SSBP3: variants seen among roughly 807,000 people sequenced by gnomAD.
SSBP3 encodes single stranded DNA binding protein 3.
SSBP3 carries 5 observed loss-of-function variants against 69.6 expected under a neutral mutation model. That is an observed-to-expected ratio of 0.07 (90% CI 0.04 to 0.15). The LOEUF (loss-of-function observed/expected upper bound fraction) is 0.15, where lower values mean the gene tolerates loss of function less well. SSBP3 is among the 10% of genes least tolerant of loss of function. SSBP3 has a pLI of 1.00. For synonymous variants in SSBP3, 196 were observed against 193.4 expected, an observed-to-expected ratio of 1.01 and a Z score of -0.11; for missense variants, 312 against 534.0, an observed-to-expected ratio of 0.58 and a Z score of 4.10.
intron 4 of SSBP3, among the ~76,000 whole-genome samples, chr1:54,323,481 G>A (rs1013133105): frequency 2.0e-4 from 30 of 152,264 alleles, no homozygotes; most frequent in African/African-American, 7.2e-4. Flanking sequence ...CATCTTCCTG[G>A]GAGGAGGTGT....
At position 54,406,213 on chromosome 1, in the gene SSBP3, C is replaced by T. The variant is rs1453754406; in HGVS notation, c.-205G>A. ...TCTTTCCAGCTGTCAAAGCGTCAGC[C>T]CCGGCCGCGGCCCCATCGCCCTGGA... is the stretch of plus-strand genomic sequence containing the variant. On this transcript the variant is annotated 5_prime_UTR_variant, in exon 1 of 18. Transcript: ENST00000610401. 22 of 429,418 alleles carry T rather than the reference C, an allele frequency of 5.1e-5. 1 individual carries two copies. The highest frequency in any genetic ancestry group is 8.0e-5 in the Non-Finnish European group (20 of 249,154). The allele number at this position is 429,418 out of a possible 1,614,324, so 26.6% of individuals were successfully genotyped here. A position where few individuals can be genotyped will look rare whatever the true frequency, so the allele number is the denominator to read the frequency against.
intron 5 of SSBP3, among the ~76,000 whole-genome samples, chr1:54,268,980 C>A (rs1163451874): frequency 1.3e-5 from 2 of 152,190 alleles, no homozygotes; most frequent in Non-Finnish European, 2.9e-5. Flanking sequence ...CTACCTGCCT[C>A]ACAGAGAACT....
intron 4 of SSBP3, among the ~76,000 whole-genome samples, chr1:54,400,901 C>A (rs545811335): frequency 6.6e-6 from 1 of 152,306 alleles, no homozygotes; most frequent in Non-Finnish European, 1.5e-5. Flanking sequence ...TTCAAGAAAC[C>A]AACTCCCAAG....
chr1:54,240,111 C>CGT (rs1204297772), intron 13 of SSBP3, among the ~76,000 whole-genome samples: 7 of 2,606 alleles, frequency 2.7e-3, no homozygotes, highest in Non-Finnish European at 6.4e-3. Context: ...TGTGCGTGCG[C>CGT]GCGCGCGCGC....
chr1:54,411,478 GAA>G (rs71066916), intron 1 of SSBP3, among the ~76,000 whole-genome samples: 3 of 137,834 alleles, frequency 2.2e-5, no homozygotes, highest in Non-Finnish European at 3.1e-5. Context: ...ACTCTGTCTT[GAA>G]AAAAAAAAAA....
At chr1:54,351,169 A>T (rs567390230) in intron 4 of SSBP3, among the ~76,000 whole-genome samples, 4 of 152,326 alleles carry the variant, frequency 2.6e-5, no homozygotes, top group South Asian at 2.1e-4. Flanking sequence ...GACCAGAAGA[A>T]GATGATGTGA....
intron 4 of SSBP3, among the ~76,000 whole-genome samples, chr1:54,315,597 A>AT (rs1327549995): frequency 1.3e-5 from 2 of 150,464 alleles, no homozygotes; most frequent in Admixed American, 1.3e-4. Flanking sequence ...CTTTTTTTTA[A>AT]TTTAAAAAAA....
chr1:54,353,577 G>A (rs1260699407), intron 4 of SSBP3, among the ~76,000 whole-genome samples: 1 of 152,178 alleles, frequency 6.6e-6, no homozygotes, highest in Non-Finnish European at 1.5e-5. Flanking sequence ...AAGTATCCAG[G>A]TGACCCAGGT....
chr1:54,274,095 G>A (rs889731513), intron 5 of SSBP3, among the ~76,000 whole-genome samples: 1 of 152,196 alleles, frequency 6.6e-6, no homozygotes, highest in South Asian at 2.1e-4. Flanking sequence ...CTCTTCCCCA[G>A]TAGGAGGCTG....
At chr1:54,407,646 CTG>C (rs1649867965), upstream of SSBP3, among the ~76,000 whole-genome samples, 1 of 151,606 alleles carries the variant, frequency 6.6e-6, no homozygotes, top group Non-Finnish European at 1.5e-5. Flanking sequence ...ACTGTCGGCA[CTG>C]TCTCTTTAAA....
intron 14 of SSBP3, chr1:54,238,709 AG>A (rs1644546386): frequency 3.2e-6 from 1 of 309,410 alleles, no homozygotes; most frequent in Non-Finnish European, 6.6e-6. Context: ...TCCCCCAGCG[AG>A]CCCTGTCCCC....
chr1:54,338,793 G>A (rs1016809096), intron 4 of SSBP3, among the ~76,000 whole-genome samples: 5 of 152,170 alleles, frequency 3.3e-5, no homozygotes, highest in African/African-American at 1.2e-4. Flanking sequence ...GCAGAAGAGA[G>A]TGACACCCCT....
At chr1:54,305,556 A>G (rs1194195588) in intron 4 of SSBP3, among the ~76,000 whole-genome samples, 2 of 151,726 alleles carry the variant, frequency 1.3e-5, no homozygotes, top group East Asian at 1.9e-4. Flanking sequence ...AGACTGGGCA[A>G]TTGGGAGCTA....
chr1:54,359,156 G>A (rs553997674), intron 4 of SSBP3, among the ~76,000 whole-genome samples: 2 of 135,234 alleles, frequency 1.5e-5, no homozygotes, highest in East Asian at 5.0e-4. Flanking sequence ...GGTGGGGAGA[G>A]TTTTATGGGA....
intron 4 of SSBP3, among the ~76,000 whole-genome samples, chr1:54,375,937 G>A (rs1647218099): frequency 6.6e-6 from 1 of 152,184 alleles, no homozygotes; most frequent in Non-Finnish European, 1.5e-5. Context: ...GGAGGAAAGG[G>A]AGGGGAAGGA....
At chr1:54,295,240 T>C (rs183894513) in intron 4 of SSBP3, among the ~76,000 whole-genome samples, 2 of 152,332 alleles carry the variant, frequency 1.3e-5, no homozygotes, top group African/African-American at 4.8e-5. Flanking sequence ...ACCCCTGTGC[T>C]GATCACGTCC....
At chr1:54,281,386 C>T in intron 5 of SSBP3, 52 bp downstream of exon 5, 2 of 1,463,948 alleles carry the variant, frequency 1.4e-6, no homozygotes, top group Admixed American at 4.3e-5. Context: ...CTGCCCAGGG[C>T]CTCGGCCTGG....
At chr1:54,280,175 TGA>T (rs1280114219) in intron 5 of SSBP3, among the ~76,000 whole-genome samples, 1 of 152,252 alleles carries the variant, frequency 6.6e-6, no homozygotes, top group East Asian at 1.9e-4. Flanking sequence ...TCTTAGCTGG[TGA>T]GCAGCATGTC....
At position 54,364,065 on chromosome 1, in the gene SSBP3, G is replaced by A. The variant is rs1421592517; in HGVS notation, c.276+37796C>T. On this transcript the variant is annotated intron_variant, in intron 4 of 17. Coordinates refer to ENST00000610401, the Ensembl canonical transcript of SSBP3. ...ATGAGAAGACATCATGGCAGCCAAA[G>A]AGAACACTCTAGAGCTTAGGTTGGC... is the stretch of plus-strand genomic sequence containing the variant. 3.9e-5 allele frequency among the ~76,000 whole-genome samples: 6 copies of A among 152,232 alleles called. No homozygotes were observed. In the East Asian group the frequency reaches 1.2e-3, roughly 29 times the overall value.
Sources: allele counts gnomAD v4.1 joint callset (sites outside exome capture counted in the v4.1 genomes callset), GRCh38; gene constraint gnomAD v4.1.1; transcripts MANE v1.5; gene names NCBI Gene and HGNC (gene_info 2026-07-23, HGNC 2026-07-21).